SPMIP7: variants seen among roughly 807,000 people sequenced by gnomAD.
SPMIP7 encodes protein SPMIP7.
the SPMIP7 span, among the ~76,000 whole-genome samples, chr7:50,105,761 A>G: frequency 4.6e-5 from 7 of 152,188 alleles, no homozygotes; most frequent in Admixed American, 4.6e-4. Context: ...CTGAATTTAG[A>G]CAAAATGCAT....
At chr7:50,140,114 A>G in the SPMIP7 span, 1 of 1,458,190 alleles carries the variant, frequency 6.9e-7, no homozygotes, top group Non-Finnish European at 9.2e-7. Context: ...TAAATAACCC[A>G]GTTGCCTCTC....
At chr7:50,148,910 G>T in the SPMIP7 span, among the ~76,000 whole-genome samples, 3 of 152,208 alleles carry the variant, frequency 2.0e-5, no homozygotes, top group African/African-American at 7.2e-5. Flanking sequence ...ACTTTGGGAG[G>T]CCGAGGCGGG....
the SPMIP7 span, among the ~76,000 whole-genome samples, chr7:50,148,545 G>GAC: frequency 2.0e-5 from 3 of 152,200 alleles, no homozygotes; most frequent in Non-Finnish European, 4.4e-5. Flanking sequence ...AGATGGAGGG[G>GAC]ATTTCCTTTG....
At chr7:50,122,650 T>A in the SPMIP7 span, among the ~76,000 whole-genome samples, 2 of 148,938 alleles carry the variant, frequency 1.3e-5, no homozygotes, top group South Asian at 2.1e-4. Context: ...TGGGAGAAAA[T>A]TTTTGCAACC....
the SPMIP7 span, chr7:50,134,161 A>T: frequency 3.9e-6 from 6 of 1,550,762 alleles, no homozygotes; most frequent in Middle Eastern, 1.7e-4. Context: ...CTTGTTCCAG[A>T]AGAAACAACA....
chr7:50,136,203 T>A, the SPMIP7 span: 1 of 1,402,924 alleles, frequency 7.1e-7, no homozygotes, highest in Non-Finnish European at 9.9e-7. Context: ...ACTAGGTTTC[T>A]CACTATCATG....
At chr7:50,132,340 A>C in the SPMIP7 span, among the ~76,000 whole-genome samples, 8 of 152,100 alleles carry the variant, frequency 5.3e-5, no homozygotes, top group Non-Finnish European at 1.0e-4. Flanking sequence ...TTTTGGGTTT[A>C]TTTCCCATTG....
chr7:50,112,231 G>T, the SPMIP7 span, among the ~76,000 whole-genome samples: 1 of 152,168 alleles, frequency 6.6e-6, no homozygotes, highest in East Asian at 1.9e-4. Flanking sequence ...TTAAAGAGAA[G>T]ATGGTTGAAG....
chr7:50,126,724 TA>T, the SPMIP7 span, among the ~76,000 whole-genome samples: 1 of 152,066 alleles, frequency 6.6e-6, no homozygotes, highest in Non-Finnish European at 1.5e-5. Flanking sequence ...CACTTACCAT[TA>T]AAATTAATCA....
the SPMIP7 span, chr7:50,120,278 C>CT: frequency 6.6e-6 from 1 of 152,108 alleles, no homozygotes; most frequent in Admixed American, 6.5e-5. Flanking sequence ...GATGCTCACT[C>CT]TTGTTGGTAG....
chr7:50,155,449 G>T, the SPMIP7 span, among the ~76,000 whole-genome samples: 1 of 152,154 alleles, frequency 6.6e-6, no homozygotes, highest in East Asian at 1.9e-4. Context: ...GAAACCTTGT[G>T]GCTGGTTCAT....
the SPMIP7 span, among the ~76,000 whole-genome samples, chr7:50,118,975 A>G: frequency 6.6e-6 from 1 of 152,146 alleles, no homozygotes; most frequent in African/African-American, 2.4e-5. Context: ...ATGACTAAAT[A>G]CTGCAGGCTT....
chr7:50,134,351 G>A, the SPMIP7 span: 2 of 980,814 alleles, frequency 2.0e-6, no homozygotes, highest in East Asian at 2.8e-5. Context: ...CAATACCTAA[G>A]GAAGTAAATT....
the SPMIP7 span, among the ~76,000 whole-genome samples, chr7:50,127,306 A>G: frequency 2.0e-5 from 3 of 152,040 alleles, no homozygotes; most frequent in Non-Finnish European, 2.9e-5. Context: ...TGAAACTATT[A>G]GAAAAAAGTC....
At chr7:50,106,792 A>G in the SPMIP7 span, among the ~76,000 whole-genome samples, 4 of 152,146 alleles carry the variant, frequency 2.6e-5, no homozygotes, top group Admixed American at 1.3e-4. Flanking sequence ...ATTATAAATT[A>G]CCAAATGGAA....
chr7:50,096,337 T>A, the SPMIP7 span: 1 of 1,552,090 alleles, frequency 6.4e-7, no homozygotes, highest in Non-Finnish European at 8.7e-7. Context: ...ATGATCCTTA[T>A]CCCCCACCAT....
At chr7:50,134,653 C>T in the SPMIP7 span, among the ~76,000 whole-genome samples, 1 of 152,148 alleles carries the variant, frequency 6.6e-6, no homozygotes, top group African/African-American at 2.4e-5. Context: ...TAGCTCTGTA[C>T]TTTTCATGGC....
At chr7:50,107,386 G>GAAAAAAAAAAAAAAAAAAAAAAAAA in the SPMIP7 span, among the ~76,000 whole-genome samples, 2 of 47,346 alleles carry the variant, frequency 4.2e-5, no homozygotes, top group Non-Finnish European at 7.4e-5. Context: ...AAAAAAAAAA[G>GAAAAAAAAAAAAAAAAAAAAAAAAA]AAAAGAAAAG....
chr7:50,151,639 A>T, the SPMIP7 span: 13 of 931,394 alleles, frequency 1.4e-5, no homozygotes, highest in East Asian at 3.7e-4. Context: ...TTAAAGAACA[A>T]TTAAATAGTA....
Sources: allele counts gnomAD v4.1 joint callset (sites outside exome capture counted in the v4.1 genomes callset), GRCh38; gene constraint gnomAD v4.1.1; transcripts MANE v1.5; gene names NCBI Gene and HGNC (gene_info 2026-07-23, HGNC 2026-07-21).